DOK5: variants seen among roughly 807,000 people sequenced by gnomAD.
DOK5 encodes the protein docking protein 5, also known as downstream of tyrosine kinase 5.
A neutral mutation model predicts 43.3 loss-of-function variants in DOK5; 27 were observed. The observed-to-expected ratio is 0.62, with a 90% CI of 0.46 to 0.86. The LOEUF is 0.86. DOK5 is among the 40% of genes least tolerant of loss of function. DOK5 has a pLI of 0.00. For synonymous variants in DOK5, 146 were observed against 140.1 expected, an observed-to-expected ratio of 1.04 and a Z score of -0.30; for missense variants, 373 against 392.9, an observed-to-expected ratio of 0.95 and a Z score of 0.43.
rs139072796 is a variant in DOK5 at position 54,647,909 on chromosome 20, G to A, written c.857-2506G>A. Among the ~76,000 whole-genome samples, 748 of 152,254 alleles carry A rather than the reference G, an allele frequency of 4.9e-3. 8 individuals are homozygous for A. Among genetic ancestry groups the A allele is most frequent in the African/African-American group, 0.017 (718 of 41,548 alleles). Reference sequence around the variant, plus strand: ...GAATAAGCATTCACGTGCCACCAGTGCAGTGCTGAAATCTCAGATTTCATC... The same window carrying A: ...GAATAAGCATTCACGTGCCACCAGTACAGTGCTGAAATCTCAGATTTCATC... On this transcript the variant is annotated intron_variant, in intron 7 of 7. Transcript: ENST00000262593.
chr20:54,490,125 A>C (rs1982107423), intron 1 of DOK5, among the ~76,000 whole-genome samples: 1 of 152,218 alleles, frequency 6.6e-6, no homozygotes, highest in African/African-American at 2.4e-5. Flanking sequence ...TATTTACTCA[A>C]CTCAAAAAGT....
intron 1 of DOK5, among the ~76,000 whole-genome samples, chr20:54,539,214 C>T (rs895827236): frequency 2.9e-5 from 4 of 138,424 alleles, no homozygotes; most frequent in African/African-American, 5.5e-5. Flanking sequence ...TGCTTAAACC[C>T]GGGAGGCAGA....
chr20:54,585,777 T>G (rs1226958337), intron 2 of DOK5, among the ~76,000 whole-genome samples: 1 of 152,212 alleles, frequency 6.6e-6, no homozygotes, highest in Non-Finnish European at 1.5e-5. Flanking sequence ...AAGGTGATAA[T>G]AGTAATATTT....
At chr20:54,640,959 A>G (rs569955474) in intron 6 of DOK5, among the ~76,000 whole-genome samples, 4 of 152,234 alleles carry the variant, frequency 2.6e-5, no homozygotes, top group Non-Finnish European at 5.9e-5. Flanking sequence ...AGAAATAACC[A>G]CTATGAGAAG....
In DOK5 at chr20:54,591,603, G is replaced by C; in HGVS notation, c.410-13G>C. 6.4e-7 allele frequency: 1 copy of C among 1,554,386 alleles called. No homozygotes were observed. Among genetic ancestry groups the C allele is most frequent in the Non-Finnish European group, 8.7e-7 (1 of 1,147,374 alleles). On this transcript the variant is annotated splice_polypyrimidine_tract_variant and intron_variant, in intron 4 of 7. Transcript: ENST00000262593. ...CCTGGGGATTTTAGACTAACCTTTT[G>C]TTTTTCTCCCAGAGAGATTCAATGT... is the stretch of plus-strand genomic sequence containing the variant.
intron 7 of DOK5, among the ~76,000 whole-genome samples, chr20:54,648,834 G>C (rs116931922): frequency 0.012 from 1,834 of 152,186 alleles, 23 homozygotes; most frequent in Non-Finnish European, 0.018. Flanking sequence ...CATGAGCACC[G>C]GAGTGTCTGG....
intron 1 of DOK5, among the ~76,000 whole-genome samples, chr20:54,546,541 C>T (rs1205552515): frequency 2.7e-5 from 4 of 147,200 alleles, no homozygotes; most frequent in African/African-American, 5.0e-5. Context: ...AATGCTATCC[C>T]TCCCCCCTCC....
rs1342001320 is a variant in DOK5 at position 54,501,490 on chromosome 20, AAAG to A, written c.66+25484_66+25486del. On this transcript the variant is annotated intron_variant, in intron 1 of 7. Transcript: ENST00000262593. ...TCAAAAAAAAAAAAAAAAAAAAAAAAAAGAAGAAAAGGAAAAAGAAAAAATAAA... is the reference window on the plus strand; with the variant it reads ...TCAAAAAAAAAAAAAAAAAAAAAAAAAAGAAAAGGAAAAAGAAAAAATAAA... Among the ~76,000 whole-genome samples, 35 of 145,550 alleles carry A rather than the reference AAAG, an allele frequency of 2.4e-4. 1 individual carries two copies. Among genetic ancestry groups the A allele is most frequent in the African/African-American group, 8.6e-4 (31 of 35,892 alleles).
chr20:54,528,705 A>G (rs1000810080), intron 1 of DOK5, among the ~76,000 whole-genome samples: 1 of 152,160 alleles, frequency 6.6e-6, no homozygotes, highest in Admixed American at 6.5e-5. Flanking sequence ...CTGCCAAATA[A>G]AAAGAGAATG....
chr20:54,511,758 T>C (rs1300853746), intron 1 of DOK5, among the ~76,000 whole-genome samples: 1 of 152,206 alleles, frequency 6.6e-6, no homozygotes, highest in Non-Finnish European at 1.5e-5. Context: ...TGGCTTTTCT[T>C]TCCTTCATTC....
chr20:54,644,868 C>CAAAA (rs3044097), intron 7 of DOK5, among the ~76,000 whole-genome samples: 86 of 146,146 alleles, frequency 5.9e-4, no homozygotes, highest in African/African-American at 2.1e-3. Context: ...AACTCCATCT[C>CAAAA]AAAAAAAAAA....
At chr20:54,535,340 TC>T (rs1242343928) in intron 1 of DOK5, among the ~76,000 whole-genome samples, 1 of 152,126 alleles carries the variant, frequency 6.6e-6, no homozygotes, top group Non-Finnish European at 1.5e-5. Context: ...TCATTTCTCT[TC>T]CCTTCTTTGA....
intron 1 of DOK5, among the ~76,000 whole-genome samples, chr20:54,505,340 G>A (rs141120485): frequency 1.4e-4 from 21 of 152,190 alleles, no homozygotes; most frequent in African/African-American, 4.3e-4. Flanking sequence ...ACACCTCGCA[G>A]CAGCAAGTTG....
At chr20:54,482,434 T>C (rs976402202) in intron 1 of DOK5, among the ~76,000 whole-genome samples, 1 of 152,246 alleles carries the variant, frequency 6.6e-6, no homozygotes, top group African/African-American at 2.4e-5. Context: ...GCATTTTTTA[T>C]GGTACCATGA....
At chr20:54,575,158 G>T (rs1261071741) in intron 2 of DOK5, among the ~76,000 whole-genome samples, 1 of 152,182 alleles carries the variant, frequency 6.6e-6, no homozygotes, top group Non-Finnish European at 1.5e-5. Flanking sequence ...GGAACATTCT[G>T]CAAGAAAACT....
At chr20:54,483,415 A>G (rs1981805035) in intron 1 of DOK5, among the ~76,000 whole-genome samples, 3 of 152,208 alleles carry the variant, frequency 2.0e-5, no homozygotes, top group Admixed American at 2.0e-4. Context: ...TAACCACCTT[A>G]AATAAGGCAG....
intron 2 of DOK5, among the ~76,000 whole-genome samples, chr20:54,572,043 C>A (rs1260507695): frequency 1.3e-5 from 2 of 151,884 alleles, no homozygotes; most frequent in African/African-American, 2.4e-5. Context: ...GCCTCTCTGA[C>A]CTTTTTCTCT....
chr20:54,585,568 T>C (rs1985776422), intron 2 of DOK5, among the ~76,000 whole-genome samples: 2 of 152,130 alleles, frequency 1.3e-5, no homozygotes, highest in South Asian at 4.1e-4. Flanking sequence ...TTTTTAACCA[T>C]GTTGAAAAGA....
intron 1 of DOK5, among the ~76,000 whole-genome samples, chr20:54,521,239 A>G (rs1983383753): frequency 6.6e-6 from 1 of 151,770 alleles, no homozygotes; most frequent in African/African-American, 2.4e-5. Flanking sequence ...CTTTTTCCAT[A>G]CCAATTCTCC....
Sources: allele counts gnomAD v4.1 joint callset (sites outside exome capture counted in the v4.1 genomes callset), GRCh38; gene constraint gnomAD v4.1.1; transcripts MANE v1.5; gene names NCBI Gene and HGNC (gene_info 2026-07-23, HGNC 2026-07-21).